The following CSMD3 variants were observed in gnomAD, a reference collection of about 807,000 sequenced individuals.
CSMD3 encodes the protein CUB and Sushi multiple domains 3, also known as CUB and sushi domain-containing protein 3.
A neutral mutation model predicts 435.2 loss-of-function variants in CSMD3; 177 were observed. The ratio of observed to expected loss-of-function variants is 0.41; its 90% confidence interval spans 0.36 to 0.46. CSMD3 has a LOEUF of 0.46. Among genes scored for constraint, CSMD3 ranks in the 20% least tolerant of loss-of-function variants. CSMD3 has a pLI of 0.34. For missense variants in CSMD3, 4,265 were observed against 4,504.6 expected (o/e 0.95, Z 1.52); for synonymous variants, 1,656 against 1,520.5 (o/e 1.09, Z -2.07).
In CSMD3 at chr8:112,294,096, G is replaced by A. The variant is rs182031181; in HGVS notation, c.8615-1386C>T. ...CAGACAATCAATTTGCTTGGGGGGG[G>A]TGTAGGGGTGGAAAGTGATTTTCAT... On this transcript the variant is annotated intron_variant, in intron 54 of 70. Coordinates refer to ENST00000297405, the MANE Select transcript of CSMD3 (RefSeq NM_198123.2). 1.2e-3 allele frequency among the ~76,000 whole-genome samples: 179 copies of A among 152,032 alleles called. 1 individual carries two copies. The highest frequency in any genetic ancestry group is 3.9e-3 in the African/African-American group (163 of 41,506).
At chr8:112,426,041 C>G (rs1182827544) in intron 32 of CSMD3, among the ~76,000 whole-genome samples, 2 of 152,018 alleles carry the variant, frequency 1.3e-5, no homozygotes, top group Non-Finnish European at 2.9e-5. Flanking sequence ...CTTTGTCTTA[C>G]AATTACTGTT....
At chr8:112,327,960 G>A (rs746478392) in intron 45 of CSMD3, among the ~76,000 whole-genome samples, 4 of 152,034 alleles carry the variant, frequency 2.6e-5, no homozygotes, top group African/African-American at 7.2e-5. Context: ...TATTCAATGC[G>A]CTATTAAAGC....
At chr8:112,345,801 T>G (rs555575076) in intron 41 of CSMD3, among the ~76,000 whole-genome samples, 1 of 152,018 alleles carries the variant, frequency 6.6e-6, no homozygotes, top group Non-Finnish European at 1.5e-5. Context: ...TTTCAAAACA[T>G]CATGTTGTAC....
intron 3 of CSMD3, among the ~76,000 whole-genome samples, chr8:113,226,914 A>G (rs1173617045): frequency 2.0e-5 from 3 of 151,642 alleles, no homozygotes. Flanking sequence ...TTGTACCATG[A>G]TACAGGATAT....
At chr8:112,861,154 C>A (rs1378282733) in intron 10 of CSMD3, among the ~76,000 whole-genome samples, 1 of 151,770 alleles carries the variant, frequency 6.6e-6, no homozygotes, top group Non-Finnish European at 1.5e-5. Context: ...CTTCTCTTCC[C>A]AGTGTCCAGT....
chr8:112,597,232 C>CA (rs1055506935), intron 22 of CSMD3, among the ~76,000 whole-genome samples: 3 of 151,858 alleles, frequency 2.0e-5, no homozygotes, highest in African/African-American at 7.3e-5. Flanking sequence ...GAGAATACTA[C>CA]AAACACCTCT....
chr8:113,010,439 AAT>A, intron 6 of CSMD3, among the ~76,000 whole-genome samples: 1 of 151,946 alleles, frequency 6.6e-6, no homozygotes, highest in Admixed American at 6.6e-5. Context: ...GAACAAACAA[AAT>A]AGTTATGCAA....
intron 1 of CSMD3, 116 bp downstream of exon 1, chr8:113,436,561 T>C (rs1243881269): frequency 3.8e-6 from 3 of 793,200 alleles, no homozygotes; most frequent in South Asian, 3.0e-5. Flanking sequence ...TCAACTCCTT[T>C]AGTATTATCA....
rs7460155 is a variant in CSMD3, at chr8:112,586,978, A to T, written c.3885+88T>A. ...TACGGTTAATACTATATACATACAC[A>T]TATATATATAGATGTATATATTTAT... is the stretch of plus-strand genomic sequence containing the variant. On this transcript the variant is annotated intron_variant, in intron 23 of 70. Transcript: ENST00000297405. 1.6e-4 allele frequency: 135 copies of T among 846,662 alleles called. 3 individuals carry two copies. In the South Asian group the frequency reaches 1.7e-3, roughly 11 times the overall value. 52.4% of individuals were successfully genotyped at this position (846,662 alleles called of 1,614,324 possible).
At chr8:112,494,760 TA>T (rs1821167101) in intron 30 of CSMD3, among the ~76,000 whole-genome samples, 1 of 151,964 alleles carries the variant, frequency 6.6e-6, no homozygotes, top group South Asian at 2.1e-4. Context: ...GGAACCTCAC[TA>T]AAAAGTGGTA....
At chr8:112,981,769 T>C (rs1386609040) in intron 6 of CSMD3, among the ~76,000 whole-genome samples, 1 of 151,704 alleles carries the variant, frequency 6.6e-6, no homozygotes, top group Non-Finnish European at 1.5e-5. Flanking sequence ...TTGCTAGAAA[T>C]TTTAATAAAC....
intron 22 of CSMD3, among the ~76,000 whole-genome samples, chr8:112,618,509 G>T (rs1833822443): frequency 6.6e-6 from 1 of 151,934 alleles, no homozygotes; most frequent in Non-Finnish European, 1.5e-5. Context: ...TCCTTCCAAG[G>T]AACTGTTTCT....
intron 10 of CSMD3, among the ~76,000 whole-genome samples, chr8:112,892,073 AATT>A (rs902546085): frequency 4.6e-5 from 7 of 151,644 alleles, no homozygotes; most frequent in East Asian, 2.0e-4. Flanking sequence ...CTCCTCTGTT[AATT>A]ATTATTATTA....
chr8:112,582,608 A>C (rs1830414462), intron 23 of CSMD3, among the ~76,000 whole-genome samples: 1 of 146,170 alleles, frequency 6.8e-6, no homozygotes, highest in Non-Finnish European at 1.6e-5. Context: ...ATGAGGAACA[A>C]AAAAAGGTTT....
intron 1 of CSMD3, among the ~76,000 whole-genome samples, chr8:113,333,561 C>T (rs942944814): frequency 6.6e-6 from 1 of 151,718 alleles, no homozygotes; most frequent in African/African-American, 2.4e-5. Context: ...TGCTTTTATA[C>T]CTTTCTCAAA....
intron 27 of CSMD3, among the ~76,000 whole-genome samples, chr8:112,532,187 G>A (rs890617389): frequency 6.6e-6 from 1 of 151,718 alleles, no homozygotes; most frequent in African/African-American, 2.4e-5. Flanking sequence ...ACAGTCAAAG[G>A]ATTAAGAAGA....
chr8:112,688,628 A>G (rs1297678785), intron 14 of CSMD3, among the ~76,000 whole-genome samples: 1 of 152,000 alleles, frequency 6.6e-6, no homozygotes, highest in African/African-American at 2.4e-5. Context: ...TTTTTGTATG[A>G]GTTATTTGAA....
At chr8:112,760,906 T>C (rs2077822164) in intron 13 of CSMD3, among the ~76,000 whole-genome samples, 1 of 152,146 alleles carries the variant, frequency 6.6e-6, no homozygotes, top group Non-Finnish European at 1.5e-5. Context: ...AACTCTTCTT[T>C]TTAAAGTCAT....
chr8:112,578,549 C>T (rs1471286125), intron 23 of CSMD3, among the ~76,000 whole-genome samples: 1 of 151,816 alleles, frequency 6.6e-6, no homozygotes, highest in African/African-American at 2.4e-5. Context: ...GATATGTGTG[C>T]TGGACATATA....
Sources: allele counts gnomAD v4.1 joint callset (sites outside exome capture counted in the v4.1 genomes callset), GRCh38; gene constraint gnomAD v4.1.1; transcripts MANE v1.5; gene names NCBI Gene and HGNC (gene_info 2026-07-23, HGNC 2026-07-21).